Variants in DOCK3 observed in about 807,000 individuals in gnomAD.
The protein encoded by DOCK3 is dedicator of cytokinesis protein 3.
Under a neutral mutation model 265.6 loss-of-function variants are expected in DOCK3, and 60 were observed. The observed-to-expected ratio is 0.23, with a 90% CI of 0.18 to 0.28. The LOEUF is 0.28. Ranked by LOEUF, DOCK3 falls within the 10% of genes least tolerant of loss-of-function variation. The probability of loss-of-function intolerance (pLI) is 1.00; values close to 1 mark genes in which losing one functional copy is unlikely to be tolerated. For synonymous variants in DOCK3, 881 were observed against 938.0 expected, an observed-to-expected ratio of 0.94 and a Z score of 1.11; for missense variants, 1,981 against 2,594.3, an observed-to-expected ratio of 0.76 and a Z score of 5.14.
At chr3:50,864,839 T>C (rs1489967298) in intron 3 of DOCK3, among the ~76,000 whole-genome samples, 1 of 152,178 alleles carries the variant, frequency 6.6e-6, no homozygotes, top group Admixed American at 6.5e-5. Context: ...TTGGTTACTA[T>C]AGCTTTGTAG....
intron 9 of DOCK3, among the ~76,000 whole-genome samples, chr3:51,106,723 C>G (rs1339631662): frequency 7.2e-5 from 11 of 152,232 alleles, no homozygotes; most frequent in Non-Finnish European, 1.6e-4. Flanking sequence ...CACCAGTACC[C>G]TGCCCCCGTG....
chr3:51,144,399 G>A (rs984149137), intron 9 of DOCK3, among the ~76,000 whole-genome samples: 2 of 152,068 alleles, frequency 1.3e-5, no homozygotes, highest in East Asian at 3.9e-4. Context: ...AATGGTCTTG[G>A]ACCTTGTTGA....
chr3:50,835,243 T>C (rs1220921834), intron 2 of DOCK3, among the ~76,000 whole-genome samples: 5 of 152,232 alleles, frequency 3.3e-5, no homozygotes, highest in Admixed American at 1.3e-4. Flanking sequence ...CTTTTTATGA[T>C]CTTTTACCAA....
rs1430979674 is a variant in DOCK3 at position 51,331,782 on chromosome 3, A to AC, written c.3489-1215dup. ...AGACTATCCTGAGCAACATAGCAGG[A>AC]CCCCATCTCAAAAAAGAAAAAATAA... On this transcript the variant is annotated intron_variant, in intron 33 of 52. Coordinates refer to ENST00000266037, the MANE Select transcript of DOCK3 (RefSeq NM_004947.5). Among the ~76,000 whole-genome samples, 4 of 152,156 alleles carry AC rather than the reference A, an allele frequency of 2.6e-5. No homozygotes were observed. The East Asian group carries it at 5.8e-4, about 22-fold the overall frequency.
chr3:51,011,695 G>A (rs76025134), intron 5 of DOCK3, among the ~76,000 whole-genome samples: 4,424 of 152,262 alleles, frequency 0.029, 530 homozygotes, highest in East Asian at 0.2. Context: ...AGGGGAAGAG[G>A]CACACTGATT....
intron 5 of DOCK3, among the ~76,000 whole-genome samples, chr3:50,986,950 C>G (rs999640389): frequency 2.0e-5 from 3 of 152,246 alleles, no homozygotes; most frequent in African/African-American, 7.2e-5. Context: ...CATTGCCTAG[C>G]AACCACATAC....
intron 5 of DOCK3, among the ~76,000 whole-genome samples, chr3:50,956,042 T>G (rs2076720246): frequency 6.6e-6 from 1 of 151,808 alleles, no homozygotes; most frequent in Non-Finnish European, 1.5e-5. Context: ...GTCAACTGCT[T>G]CTTATTTTCT....
intron 40 of DOCK3, among the ~76,000 whole-genome samples, chr3:51,350,602 C>G (rs2085912202): frequency 6.6e-6 from 1 of 152,166 alleles, no homozygotes; most frequent in South Asian, 2.1e-4. Flanking sequence ...CTGTAGCTAC[C>G]AGGAATGTGT....
At chr3:51,279,513 A>G (rs932080193) in intron 26 of DOCK3, among the ~76,000 whole-genome samples, 1 of 152,164 alleles carries the variant, frequency 6.6e-6, no homozygotes, top group Non-Finnish European at 1.5e-5. Flanking sequence ...CATTTTGAAC[A>G]TTGATATTTC....
intron 14 of DOCK3, among the ~76,000 whole-genome samples, chr3:51,214,977 A>G (rs1184920002): frequency 2.6e-5 from 4 of 152,216 alleles, no homozygotes; most frequent in African/African-American, 9.6e-5. Flanking sequence ...AAGAAAGGGT[A>G]GAGGCATGGT....
intron 12 of DOCK3, among the ~76,000 whole-genome samples, chr3:51,164,784 A>G (rs1435258286): frequency 3.3e-5 from 5 of 152,124 alleles, no homozygotes; most frequent in Non-Finnish European, 5.9e-5. Context: ...TTAGGTGGCA[A>G]CCTCTTCTGT....
chr3:50,837,288 C>T (rs2045567418), intron 2 of DOCK3, among the ~76,000 whole-genome samples: 1 of 152,152 alleles, frequency 6.6e-6, no homozygotes, highest in Non-Finnish European at 1.5e-5. Flanking sequence ...TCTCATGCTG[C>T]TATGAAGAAA....
At chr3:51,037,174 A>G (rs977822320) in intron 5 of DOCK3, among the ~76,000 whole-genome samples, 3 of 152,172 alleles carry the variant, frequency 2.0e-5, no homozygotes, top group Admixed American at 1.3e-4. Context: ...ATATAGGTAC[A>G]GTTTAAAAAA....
At chr3:51,316,706 G>A (rs1328334185) in intron 32 of DOCK3, among the ~76,000 whole-genome samples, 1 of 152,196 alleles carries the variant, frequency 6.6e-6, no homozygotes, top group Non-Finnish European at 1.5e-5. Flanking sequence ...TTTCCCTAGT[G>A]ACTAATGGTG....
At chr3:51,029,423 G>C (rs2108939787) in intron 5 of DOCK3, among the ~76,000 whole-genome samples, 1 of 152,328 alleles carries the variant, frequency 6.6e-6, no homozygotes, top group East Asian at 1.9e-4. Context: ...GGGTGGGGCT[G>C]CCAAAGAAGC....
intron 9 of DOCK3, among the ~76,000 whole-genome samples, chr3:51,097,226 G>A (rs2082893970): frequency 6.6e-6 from 1 of 152,204 alleles, no homozygotes; most frequent in Non-Finnish European, 1.5e-5. Context: ...TCCCCCAGGT[G>A]CTCTGTCCCA....
intron 5 of DOCK3, among the ~76,000 whole-genome samples, chr3:50,966,483 G>GTT (rs140247895): frequency 6.8e-5 from 8 of 116,880 alleles, no homozygotes; most frequent in East Asian, 4.8e-4. Flanking sequence ...GTTATCTCTT[G>GTT]TTTTTTTTTT....
At chr3:51,371,042 A>C (rs1392308034) in intron 49 of DOCK3, among the ~76,000 whole-genome samples, 2 of 152,218 alleles carry the variant, frequency 1.3e-5, no homozygotes, top group East Asian at 3.8e-4. Context: ...AGAAGCCTCA[A>C]GGCTCGTTTT....
intron 1 of DOCK3, among the ~76,000 whole-genome samples, chr3:50,723,179 C>G (rs897298567): frequency 5.9e-5 from 9 of 152,108 alleles, no homozygotes; most frequent in Admixed American, 2.0e-4. Flanking sequence ...GCAGACAGGA[C>G]ATAGCAGCAG....
Sources: gnomAD v4.1 joint callset for allele counts (sites outside exome capture counted in the v4.1 genomes callset) on GRCh38, gnomAD v4.1.1 for gene constraint, MANE v1.5 for transcripts, NCBI Gene and HGNC (gene_info 2026-07-23, HGNC 2026-07-21) for gene names.